Variants in SDK1 observed in about 807,000 individuals in gnomAD.
The protein encoded by SDK1 is sidekick cell adhesion molecule 1.
Under a neutral mutation model 245.5 loss-of-function variants are expected in SDK1, and 157 were observed. The observed-to-expected ratio is 0.64, with a 90% CI of 0.56 to 0.73. The LOEUF (loss-of-function observed/expected upper bound fraction) is 0.73, where lower values mean the gene tolerates loss of function less well. Ranked by LOEUF, SDK1 falls within the 30% of genes least tolerant of loss-of-function variation. SDK1 has a pLI of 0.00. For synonymous variants in SDK1, 1,647 were observed against 1,278.5 expected (o/e 1.29, Z -6.15); for missense variants, 3,583 against 3,002.3 (o/e 1.19, Z -4.52).
At chr7:3,606,685 C>G (rs183366412) in intron 1 of SDK1, among the ~76,000 whole-genome samples, 30 of 152,228 alleles carry the variant, frequency 2.0e-4, no homozygotes, top group African/African-American at 6.7e-4. Flanking sequence ...ACTCAGATAC[C>G]CCGTTCTCAA....
At chr7:3,897,925 C>A (rs923581063) in intron 5 of SDK1, among the ~76,000 whole-genome samples, 3 of 151,726 alleles carry the variant, frequency 2.0e-5, no homozygotes, top group Non-Finnish European at 4.4e-5. Context: ...TTTCTTTTCT[C>A]TCACTCTTTT....
chr7:4,067,399 A>G (rs1188348374), intron 19 of SDK1, among the ~76,000 whole-genome samples: 1 of 152,184 alleles, frequency 6.6e-6, no homozygotes, highest in Admixed American at 6.5e-5. Flanking sequence ...TTGGCAGGTG[A>G]GCCTGCCCCT....
intron 4 of SDK1, among the ~76,000 whole-genome samples, chr7:3,719,259 T>A (rs914710204): frequency 1.2e-4 from 18 of 151,830 alleles, no homozygotes; most frequent in African/African-American, 4.1e-4. Context: ...TTTTTTTTTT[T>A]TTTAAATATA....
Position 3,415,217 on chromosome 7 carries a change from A to G in SDK1, c.298+113333A>G, listed in dbSNP as rs2128578818. 1.3e-5 allele frequency among the ~76,000 whole-genome samples: 2 copies of G among 152,340 alleles called. 1 individual carries two copies. The highest frequency in any genetic ancestry group is 4.1e-4 in the South Asian group (2 of 4,820). ...CTGAAGGATTTGATGGGCTAGAGGA[A>G]AAAGTGCATATGTTACAAAAAATAT... On this transcript the variant is annotated intron_variant, in intron 1 of 44. Transcript: ENST00000404826.
At chr7:4,244,714 T>C (rs1360033431) in intron 43 of SDK1, among the ~76,000 whole-genome samples, 1 of 152,214 alleles carries the variant, frequency 6.6e-6, no homozygotes, top group Non-Finnish European at 1.5e-5. Flanking sequence ...AATCCAGGTG[T>C]AGATGGGCTG....
At chr7:3,938,645 C>CAAAAAAAAAAAAAAAAAAAAAAAAAA (rs559065786) in intron 5 of SDK1, among the ~76,000 whole-genome samples, 13 of 90,580 alleles carry the variant, frequency 1.4e-4, no homozygotes, top group African/African-American at 4.8e-4. Flanking sequence ...GACTCCGTCT[C>CAAAAAAAAAAAAAAAAAAAAAAAAAA]AAAAAAAAAA....
intron 1 of SDK1, among the ~76,000 whole-genome samples, chr7:3,357,909 T>C (rs1028570581): frequency 2.0e-5 from 3 of 152,240 alleles, no homozygotes; most frequent in African/African-American, 7.2e-5. Context: ...TTACATTTGC[T>C]TTAAAAATAT....
At chr7:3,543,076 A>C (rs1583146258) in intron 1 of SDK1, among the ~76,000 whole-genome samples, 2 of 152,270 alleles carry the variant, frequency 1.3e-5, no homozygotes, top group South Asian at 2.1e-4. Flanking sequence ...CATAATTCCT[A>C]TTTGTATTTC....
Position 4,049,400 on chromosome 7 carries a change from C to G in SDK1, c.2655C>G (p.Thr885=). 6.2e-7 allele frequency: 1 copy of G among 1,614,182 alleles called. No individual in the cohort carries two copies. Among genetic ancestry groups the G allele is most frequent in the Non-Finnish European group, 8.5e-7 (1 of 1,180,024 alleles). Reference sequence around the variant, plus strand: ...AGACGGAAGCCGTGAACTCCACCACCATTCAGTTCCTGTGGAACCCTCCGC... The same window carrying G: ...AGACGGAAGCCGTGAACTCCACCACGATTCAGTTCCTGTGGAACCCTCCGC... The part of the protein sequence containing the change: ...NVQTEAVNST[T]IQFLWNPPPQ... Residue 885 remains threonine, a synonymous_variant, in exon 18 of 45, where the codon ACC becomes ACG. Coordinates refer to ENST00000404826, the MANE Select transcript of SDK1 (RefSeq NM_152744.4).
At chr7:3,924,937 T>A (rs899230863) in intron 5 of SDK1, among the ~76,000 whole-genome samples, 4 of 152,158 alleles carry the variant, frequency 2.6e-5, no homozygotes, top group African/African-American at 9.7e-5. Flanking sequence ...CACTGTCATT[T>A]TCCCCCAGCT....
chr7:4,119,041 A>T (rs1783900836), intron 25 of SDK1, among the ~76,000 whole-genome samples: 1 of 148,748 alleles, frequency 6.7e-6, no homozygotes, highest in Admixed American at 6.7e-5. Context: ...TCACTAAAAA[A>T]TGTTGAATTG....
intron 44 of SDK1, among the ~76,000 whole-genome samples, chr7:4,247,499 C>G (rs1188505177): frequency 6.6e-6 from 1 of 152,240 alleles, no homozygotes; most frequent in East Asian, 1.9e-4. Context: ...AAGCTCGCTG[C>G]ATGTACGAAA....
At chr7:3,967,885 T>G (rs1255265657) in intron 10 of SDK1, among the ~76,000 whole-genome samples, 1 of 152,146 alleles carries the variant, frequency 6.6e-6, no homozygotes, top group Admixed American at 6.5e-5. Context: ...GACCCCTGAT[T>G]TACAGAATGC....
At chr7:3,824,806 AG>A (rs1779731622) in intron 5 of SDK1, among the ~76,000 whole-genome samples, 1 of 152,202 alleles carries the variant, frequency 6.6e-6, no homozygotes. Context: ...CATGACTGTT[AG>A]AACTGAGATG....
intron 4 of SDK1, among the ~76,000 whole-genome samples, chr7:3,728,687 C>A (rs1204620781): frequency 1.3e-5 from 2 of 152,174 alleles, no homozygotes; most frequent in African/African-American, 4.8e-5. Context: ...CTTACTGTAT[C>A]CTCCACCTCC....
intron 1 of SDK1, among the ~76,000 whole-genome samples, chr7:3,378,309 C>G (rs1781402737): frequency 6.6e-6 from 1 of 152,258 alleles, no homozygotes; most frequent in East Asian, 1.9e-4. Context: ...TTTTGTCTTG[C>G]AGGATTCTTT....
intron 1 of SDK1, among the ~76,000 whole-genome samples, chr7:3,426,912 TA>T (rs1779693842): frequency 6.6e-6 from 1 of 152,224 alleles, no homozygotes; most frequent in South Asian, 2.1e-4. Flanking sequence ...CTTTCAGCAT[TA>T]AAGGCATGCA....
At position 4,159,314 on chromosome 7, in the gene SDK1, T is replaced by A. The variant is rs560851339; in HGVS notation, c.4729+763T>A. On this transcript the variant is annotated intron_variant, in intron 31 of 44. Coordinates refer to ENST00000404826, the MANE Select transcript of SDK1 (RefSeq NM_152744.4). ...TTCTGCTCTCTCGATGACCTGGAAG[T>A]GTGGTTTCTCCCACATAGGCCTCCC... Among the ~76,000 whole-genome samples, 4 of 152,328 alleles carry A rather than the reference T, an allele frequency of 2.6e-5. No individual in the cohort carries two copies. The South Asian group carries it at 6.2e-4, about 24-fold the overall frequency.
At chr7:3,749,633 A>G (rs188627112) in intron 4 of SDK1, among the ~76,000 whole-genome samples, 102 of 152,300 alleles carry the variant, frequency 6.7e-4, no homozygotes, top group African/African-American at 2.3e-3. Flanking sequence ...AAGAAAAGTA[A>G]TCAAAGTTCT....
Sources: gnomAD v4.1 joint callset for allele counts (sites outside exome capture counted in the v4.1 genomes callset) on GRCh38, gnomAD v4.1.1 for gene constraint, MANE v1.5 for transcripts, NCBI Gene and HGNC (gene_info 2026-07-23, HGNC 2026-07-21) for gene names.